ATP9A: variants seen among roughly 807,000 people sequenced by gnomAD.
The protein encoded by ATP9A is probable phospholipid-transporting ATPase IIA.
ATP9A carries 52 observed loss-of-function variants against 144.1 expected under a neutral mutation model. The ratio of observed to expected loss-of-function variants is 0.36; its 90% confidence interval spans 0.29 to 0.45. The LOEUF (loss-of-function observed/expected upper bound fraction) is 0.45. Ranked by LOEUF, ATP9A falls within the 20% of genes least tolerant of loss-of-function variation. The pLI, the probability that ATP9A is intolerant of heterozygous loss-of-function variation, is 1.00. For missense variants in ATP9A, 947 were observed against 1,392.7 expected (o/e 0.68, Z 5.09); for synonymous variants, 582 against 557.4 (o/e 1.04, Z -0.62).
Position 51,625,316 on chromosome 20 carries a change from T to C in ATP9A, c.1892A>G (p.Lys631Arg). The change falls in exon 18 of 28, where the codon AAA (lysine) becomes AGA (arginine). Residue 631 changes from lysine (K) to arginine (R), a missense_variant. Lys to Arg is a conservative substitution (Grantham distance 26, BLOSUM62 2). Transcript: ENST00000338821. ...AKLSVHDRSL[K>R]VATVIESLEM... ...CAGGCTCTCGATCACCGTGGCCACT[T>C]TGAGGGAGCGGTCGTGCACACTCAG... is the stretch of plus-strand genomic sequence containing the variant. The C allele has an allele frequency of 6.2e-7, 1 of 1,614,124 alleles. No individual in the cohort carries two copies. The highest frequency in any genetic ancestry group is 8.5e-7 in the Non-Finnish European group (1 of 1,179,994).
intron 1 of ATP9A, among the ~76,000 whole-genome samples, chr20:51,760,186 G>T (rs977530993): frequency 6.6e-6 from 1 of 152,184 alleles, no homozygotes; most frequent in Non-Finnish European, 1.5e-5. Context: ...AAATACACGT[G>T]TCAGATAAGC....
intron 4 of ATP9A, 95 bp from the exon 5 acceptor site, chr20:51,697,577 C>A: frequency 9.1e-7 from 1 of 1,102,996 alleles, no homozygotes; most frequent in Non-Finnish European, 1.3e-6. Flanking sequence ...ACACAATACA[C>A]CCAGAAGTAC....
intron 23 of ATP9A, among the ~76,000 whole-genome samples, chr20:51,612,428 G>C (rs749795221): frequency 1.3e-5 from 2 of 151,678 alleles, no homozygotes; most frequent in Admixed American, 6.6e-5. Context: ...GGCAAATTTT[G>C]TTGTTGTTGT....
In ATP9A at chr20:51,631,835, A is replaced by G. The variant is rs558820783; in HGVS notation, c.1669-2763T>C. On this transcript the variant is annotated intron_variant, in intron 15 of 27. Transcript: ENST00000338821. ...CGCCACAAAAACAAAACAGGGACAC[A>G]ACCTTCCTGCAAAAAGACATCACAC... 1.1e-4 allele frequency among the ~76,000 whole-genome samples: 16 copies of G among 152,318 alleles called. No individual in the cohort carries two copies. In the South Asian group the frequency reaches 3.3e-3, roughly 32 times the overall value.
At chr20:51,686,031 C>T (rs2077521537) in intron 9 of ATP9A, among the ~76,000 whole-genome samples, 2 of 152,144 alleles carry the variant, frequency 1.3e-5, no homozygotes, top group Admixed American at 1.3e-4. Context: ...GAATTCTATG[C>T]AGCCATAAAA....
intron 27 of ATP9A, 107 bp from the exon 28 acceptor site, chr20:51,601,454 C>A: frequency 8.5e-7 from 1 of 1,178,358 alleles, no homozygotes. Flanking sequence ...CATCTCCCGT[C>A]ACAAACCCAC....
chr20:51,627,576 T>A (rs1458613640), intron 17 of ATP9A, 24 bp downstream of exon 17: 2 of 1,609,250 alleles, frequency 1.2e-6, no homozygotes, highest in Non-Finnish European at 1.7e-6. Context: ...GCAAAGGCAA[T>A]GGAAAGGTCC....
chr20:51,725,226 G>A (rs1601129200), intron 3 of ATP9A, among the ~76,000 whole-genome samples: 1 of 152,090 alleles, frequency 6.6e-6, no homozygotes, highest in Non-Finnish European at 1.5e-5. Context: ...AGGTTCAAGC[G>A]ATTCTCCTGC....
rs139239463 is a variant in ATP9A at position 51,623,767 on chromosome 20, G to A, written c.2016+1425C>T. On this transcript the variant is annotated intron_variant, in intron 18 of 27. Transcript: ENST00000338821. ...CGCACCACTGCACTCCAGCCTGGGC[G>A]ACAGAGTGAAACTCTGTCTCAAAAA... Among the ~76,000 whole-genome samples the A allele has an allele frequency of 6.0e-3, 813 of 136,506 alleles. 12 individuals carry two copies. The highest frequency in any genetic ancestry group is 0.022 in the African/African-American group (766 of 35,442). The allele number at this position is 136,506 out of a possible 152,430, so 89.6% of individuals were successfully genotyped here. A position where few individuals can be genotyped will look rare whatever the true frequency, so the allele number is the denominator to read the frequency against.
At chr20:51,680,503 C>T (rs2077495705) in intron 9 of ATP9A, among the ~76,000 whole-genome samples, 1 of 152,176 alleles carries the variant, frequency 6.6e-6, no homozygotes, top group South Asian at 2.1e-4. Flanking sequence ...TTATCCTTCA[C>T]TCTTGTGCTG....
chr20:51,597,855 T>C lies in ATP9A; in HGVS notation c.*3356A>G, dbSNP rs560324540. On this transcript the variant is annotated 3_prime_UTR_variant, in exon 28 of 28. Coordinates refer to ENST00000338821, the MANE Select transcript of ATP9A (RefSeq NM_006045.3). ...AGAGAAGAAACTGAGGAAATGTTCA[T>C]AAAGAGACAATGATTTTTAAGATTT... is the stretch of plus-strand genomic sequence containing the variant. The C allele has an allele frequency of 1.3e-4, 20 of 151,384 alleles. No homozygotes were observed. Among genetic ancestry groups the C allele is most frequent in the African/African-American group, 4.6e-4 (19 of 41,228 alleles). 9.4% of individuals were successfully genotyped at this position (151,384 alleles called of 1,614,324 possible). A position where few individuals can be genotyped will look rare whatever the true frequency, so the allele number is the denominator to read the frequency against.
chr20:51,719,785 G>C (rs2077680845), intron 3 of ATP9A, among the ~76,000 whole-genome samples: 1 of 125,822 alleles, frequency 7.9e-6, no homozygotes, highest in Non-Finnish European at 1.7e-5. Context: ...AGTGGCTCAC[G>C]CCTATAATCC....
rs1049109602 is a variant in ATP9A at position 51,699,319 on chromosome 20, G to A, written c.437-1837C>T. ...TTGCACTCCAGCCTGGGCGACACAA[G>A]CAAAACTCAATCTCAAAAAAAAAAA... is the stretch of plus-strand genomic sequence containing the variant. On this transcript the variant is annotated intron_variant, in intron 4 of 27. Transcript: ENST00000338821. 4.5e-4 allele frequency among the ~76,000 whole-genome samples: 35 copies of A among 76,980 alleles called. 1 individual carries two copies. In the East Asian group the frequency reaches 0.014, roughly 31 times the overall value. 50.5% of individuals were successfully genotyped at this position (76,980 alleles called of 152,430 possible).
At chr20:51,753,802 G>A (rs865943733) in intron 1 of ATP9A, among the ~76,000 whole-genome samples, 1 of 150,944 alleles carries the variant, frequency 6.6e-6, no homozygotes, top group African/African-American at 2.4e-5. Flanking sequence ...AAGTAGCTGG[G>A]ATTACAGGCA....
At chr20:51,623,149 C>T (rs1343714424) in intron 18 of ATP9A, among the ~76,000 whole-genome samples, 3 of 152,190 alleles carry the variant, frequency 2.0e-5, no homozygotes, top group East Asian at 1.9e-4. Context: ...CGGGCCCTCT[C>T]CCCTAGCTGG....
intron 13 of ATP9A, among the ~76,000 whole-genome samples, chr20:51,659,853 G>A (rs995571646): frequency 1.6e-4 from 24 of 152,198 alleles, no homozygotes; most frequent in Non-Finnish European, 2.4e-4. Flanking sequence ...GGGACACAGC[G>A]CTCTGCCTTC....
chr20:51,763,314 C>CTT (rs199506194), intron 1 of ATP9A, among the ~76,000 whole-genome samples: 33 of 135,166 alleles, frequency 2.4e-4, no homozygotes, highest in Middle Eastern at 3.8e-3. Context: ...GGTTTACATA[C>CTT]TTTTTTTTTT....
At chr20:51,730,530 T>A (rs8125431) in intron 1 of ATP9A, among the ~76,000 whole-genome samples, 10,270 of 152,290 alleles carry the variant, frequency 0.067, 787 homozygotes, top group African/African-American at 0.19. Flanking sequence ...ATTTACAGTC[T>A]TGCATTGTTA....
intron 1 of ATP9A, among the ~76,000 whole-genome samples, chr20:51,762,081 C>T (rs956909746): frequency 5.9e-5 from 9 of 152,038 alleles, no homozygotes; most frequent in African/African-American, 2.2e-4. Flanking sequence ...AACACTGGGC[C>T]GGGCCAGGGT....
Sources: allele counts gnomAD v4.1 joint callset (sites outside exome capture counted in the v4.1 genomes callset), GRCh38; gene constraint gnomAD v4.1.1; transcripts MANE v1.5; gene names NCBI Gene and HGNC (gene_info 2026-07-23, HGNC 2026-07-21).